Variants in DOCK1 observed in about 807,000 individuals in gnomAD.
DOCK1 encodes the protein dedicator of cytokinesis protein 1.
In DOCK1, 138 loss-of-function variants were observed where a neutral mutation model predicts 262.7. The ratio of observed to expected loss-of-function variants is 0.53; its 90% confidence interval spans 0.46 to 0.61. DOCK1 has a LOEUF of 0.61. Among genes scored for constraint, DOCK1 ranks in the 20% least tolerant of loss-of-function variants. The probability of loss-of-function intolerance (pLI) is 0.00; values close to 1 mark genes in which losing one functional copy is unlikely to be tolerated. For missense variants in DOCK1, 1,908 were observed against 2,370.7 expected (o/e 0.80, Z 4.05); for synonymous variants, 866 against 867.4 (o/e 1.00, Z 0.03).
intron 1 of DOCK1, among the ~76,000 whole-genome samples, chr10:126,908,403 G>C (rs1303589282): frequency 1.3e-5 from 2 of 152,186 alleles, no homozygotes; most frequent in Non-Finnish European, 2.9e-5. Context: ...CGCTCTGGTG[G>C]CTCTGTGGGT....
chr10:127,203,363 A>G (rs140794500), intron 27 of DOCK1, among the ~76,000 whole-genome samples: 1 of 152,314 alleles, frequency 6.6e-6, no homozygotes, highest in East Asian at 1.9e-4. Flanking sequence ...CACTGTGCAT[A>G]TAATTCTAAT....
chr10:127,168,706 A>G (rs1417865132), intron 27 of DOCK1, among the ~76,000 whole-genome samples: 1 of 152,170 alleles, frequency 6.6e-6, no homozygotes, highest in African/African-American at 2.4e-5. Context: ...TTGGGATGGG[A>G]TCACCTCACT....
intron 22 of DOCK1, among the ~76,000 whole-genome samples, chr10:127,058,094 T>C (rs2045285146): frequency 6.6e-6 from 1 of 151,280 alleles, no homozygotes; most frequent in Admixed American, 6.6e-5. Context: ...GATCTTTTGT[T>C]ACAGAAAGAT....
intron 27 of DOCK1, among the ~76,000 whole-genome samples, chr10:127,196,478 C>T (rs1170222754): frequency 1.3e-5 from 2 of 148,476 alleles, no homozygotes; most frequent in African/African-American, 2.4e-5. Context: ...GAAGTCCTTT[C>T]CGCTGCTCCA....
intron 27 of DOCK1, among the ~76,000 whole-genome samples, chr10:127,183,514 A>T (rs976191453): frequency 4.6e-5 from 7 of 152,208 alleles, no homozygotes; most frequent in Admixed American, 4.6e-4. Flanking sequence ...ATGAGCTTCT[A>T]TTCCTAAGCT....
At chr10:127,025,033 C>G (rs935747466) in intron 15 of DOCK1, 3 of 363,058 alleles carry the variant, frequency 8.3e-6, no homozygotes, top group Non-Finnish European at 1.0e-5. Flanking sequence ...TTTAAGATAG[C>G]TATTGTCTTT....
At chr10:127,427,592 C>T (rs1263263756) in intron 47 of DOCK1, among the ~76,000 whole-genome samples, 7 of 152,298 alleles carry the variant, frequency 4.6e-5, no homozygotes, top group African/African-American at 1.7e-4. Context: ...CACCCTAGCA[C>T]GTGGCAGACC....
intron 50 of DOCK1, among the ~76,000 whole-genome samples, chr10:127,445,057 C>G (rs10830064): frequency 0.33 from 49,604 of 151,644 alleles, 8,383 homozygotes; most frequent in East Asian, 0.44. Context: ...CTGCAAAGAC[C>G]CTACATCCAA....
chr10:127,346,198 T>G (rs2063626787), intron 31 of DOCK1, among the ~76,000 whole-genome samples: 1 of 152,226 alleles, frequency 6.6e-6, no homozygotes. Flanking sequence ...AGCTGGCATC[T>G]TCTTAGTGGT....
At chr10:127,088,421 A>C (rs1229875637) in intron 23 of DOCK1, among the ~76,000 whole-genome samples, 4 of 152,088 alleles carry the variant, frequency 2.6e-5, no homozygotes. Context: ...CCAGCTGCCT[A>C]GTGGTTATGT....
At position 127,452,327 on chromosome 10, in the gene DOCK1, C is replaced by CAT. The variant is rs2071016265; in HGVS notation, c.*901_*902dup. Reference sequence around the variant, plus strand: ...TAAAACACACACACACACACACACACATTTTTTTTTTGAGAACTCCAAAGT... The same window carrying CAT: ...TAAAACACACACACACACACACACACATATTTTTTTTTTGAGAACTCCAAAGT... On this transcript the variant is annotated 3_prime_UTR_variant, in exon 52 of 52. Transcript: ENST00000623213. 6.6e-6 allele frequency: 1 copy of CAT among 150,500 alleles called. No individual in the cohort carries two copies. Among genetic ancestry groups the CAT allele is most frequent in the Non-Finnish European group, 1.5e-5 (1 of 67,536 alleles). 9.3% of individuals were successfully genotyped at this position (150,500 alleles called of 1,614,324 possible).
rs376716090 is a variant in DOCK1, at chr10:126,996,591, G to T, written c.474-157G>T. 5.8e-5 allele frequency among the ~76,000 whole-genome samples: 8 copies of T among 138,688 alleles called. No homozygotes were observed. In the South Asian group the frequency reaches 1.1e-3, roughly 20 times the overall value. The allele number at this position is 138,688 out of a possible 152,430, so 91.0% of individuals were successfully genotyped here. A position where few individuals can be genotyped will look rare whatever the true frequency, so the allele number is the denominator to read the frequency against. On this transcript the variant is annotated intron_variant, in intron 6 of 51. Transcript: ENST00000623213. The stretch of plus-strand genomic sequence containing the variant: ...CCAAGATGACACATTTTAAGCTAAA[G>T]AAAGCAGCCTCCAAGAATTTTATAT...
chr10:127,160,807 C>G (rs755074700), intron 27 of DOCK1, among the ~76,000 whole-genome samples: 6 of 152,206 alleles, frequency 3.9e-5, no homozygotes, highest in Non-Finnish European at 8.8e-5. Context: ...AGTTTGATCT[C>G]TCTTGTTCTT....
In DOCK1 at chr10:127,082,209, A is replaced by C. The variant is rs934487216; in HGVS notation, c.2445+20433A>C. Among the ~76,000 whole-genome samples, 3 of 152,208 alleles carry C rather than the reference A, an allele frequency of 2.0e-5. No homozygotes were observed. The East Asian group carries it at 5.8e-4, about 29-fold the overall frequency. On this transcript the variant is annotated intron_variant, in intron 23 of 51. Coordinates refer to ENST00000623213, the MANE Select transcript of DOCK1 (RefSeq NM_001290223.2). ...GGAAACAAACGCTTTCCTTTCTCAC[A>C]GTCATCTTCTCCTTCTTATGTAAGT...
At chr10:127,275,060 G>A (rs745827324) in intron 29 of DOCK1, among the ~76,000 whole-genome samples, 12 of 152,112 alleles carry the variant, frequency 7.9e-5, no homozygotes, top group Admixed American at 2.6e-4. Flanking sequence ...CTACACTGAC[G>A]TTCAGAAGAA....
At chr10:127,093,452 A>G (rs1350030937) in intron 23 of DOCK1, among the ~76,000 whole-genome samples, 2 of 151,280 alleles carry the variant, frequency 1.3e-5, no homozygotes, top group African/African-American at 4.9e-5. Flanking sequence ...TTCCAGGGTC[A>G]AGTAATCGTC....
intron 13 of DOCK1, chr10:127,019,056 C>T: frequency 6.6e-6 from 4 of 608,924 alleles, no homozygotes; most frequent in East Asian, 3.0e-5. Context: ...ATCAGCTCTC[C>T]CCAGCTGCAA....
At chr10:127,270,711 G>C (rs2996574) in intron 29 of DOCK1, among the ~76,000 whole-genome samples, 47,047 of 151,968 alleles carry the variant, frequency 0.31, 8,306 homozygotes, top group South Asian at 0.55. Flanking sequence ...CAAGACTTCA[G>C]AGAAGGCTTC....
chr10:126,941,128 G>T (rs921838674), intron 1 of DOCK1, among the ~76,000 whole-genome samples: 1 of 152,078 alleles, frequency 6.6e-6, no homozygotes, highest in African/African-American at 2.4e-5. Flanking sequence ...AAATGTGCTC[G>T]GTTGGTTTAT....
Sources: gnomAD v4.1 joint callset for allele counts (sites outside exome capture counted in the v4.1 genomes callset) on GRCh38, gnomAD v4.1.1 for gene constraint, MANE v1.5 for transcripts, NCBI Gene and HGNC (gene_info 2026-07-23, HGNC 2026-07-21) for gene names.